The following P2RY14 variants were observed in gnomAD, a reference collection of about 807,000 sequenced individuals.
P2RY14 encodes the protein purinergic receptor P2Y14.
P2RY14 carries 2 observed loss-of-function variants against 0.9 expected under a neutral mutation model. That is an observed-to-expected ratio of 2.16 (90% CI 0.88 to 6.79). P2RY14 has a LOEUF of 6.79. P2RY14 is among the 30% of genes most tolerant of loss of function. The pLI is 0.05. For missense variants in P2RY14, 378 were observed against 400.1 expected (o/e 0.94, Z 0.47); for synonymous variants, 158 against 147.2 (o/e 1.07, Z -0.53).
chr3:151,264,051 C>G (rs1296029296), intron 1 of P2RY14, among the ~76,000 whole-genome samples: 1 of 152,194 alleles, frequency 6.6e-6, no homozygotes, highest in Non-Finnish European at 1.5e-5. Context: ...TTTTAAAGTT[C>G]TGCCTTTTTC....
At chr3:151,246,202 A>G (rs1735424202) in intron 1 of P2RY14, among the ~76,000 whole-genome samples, 1 of 152,318 alleles carries the variant, frequency 6.6e-6, no homozygotes, top group Non-Finnish European at 1.5e-5. Flanking sequence ...TGCTCAAGGT[A>G]ATTTATAGAT....
Position 151,214,253 on chromosome 3 carries a change from G to T in P2RY14, c.64C>A (p.Gln22Lys), listed in dbSNP as rs1727742801. 1.2e-6 allele frequency: 2 copies of T among 1,613,830 alleles called. No homozygotes were observed. Among genetic ancestry groups the T allele is most frequent in the South Asian group, 1.1e-5 (1 of 91,078 alleles). Residue 22 changes from glutamine to lysine, a missense_variant, in exon 3 of 3, where the codon CAG (glutamine) becomes AAG (lysine). Coordinates refer to ENST00000309170, the MANE Select transcript of P2RY14 (RefSeq NM_014879.4). ...CAGTACAGCACAGGAATGATCTGCT[G>T]AGTGATCAGGAGGTTCTGAGAGCAG... The part of the protein sequence containing the change: ...ESCSQNLLIT[Q>K]QIIPVLYCMV...
chr3:151,220,995 G>A (rs530623723), intron 1 of P2RY14, among the ~76,000 whole-genome samples: 1 of 152,314 alleles, frequency 6.6e-6, no homozygotes, highest in East Asian at 1.9e-4. Context: ...TGCCCAAAAT[G>A]CTGATAGTGA....
chr3:151,243,886 G>C (rs1270737304), intron 1 of P2RY14, among the ~76,000 whole-genome samples: 6 of 149,014 alleles, frequency 4.0e-5, no homozygotes, highest in Non-Finnish European at 9.0e-5. Flanking sequence ...CACGTGCAGA[G>C]ACACACATAG....
chr3:151,233,459 C>A (rs148568129), intron 1 of P2RY14, among the ~76,000 whole-genome samples: 7 of 152,298 alleles, frequency 4.6e-5, no homozygotes, highest in Middle Eastern at 3.4e-3. Flanking sequence ...CTGGGCCGGG[C>A]GTGATGGCTC....
At chr3:151,247,640 T>C (rs1337083288) in intron 1 of P2RY14, among the ~76,000 whole-genome samples, 8 of 140,504 alleles carry the variant, frequency 5.7e-5, no homozygotes, top group African/African-American at 1.6e-4. Flanking sequence ...AGGGATAGCA[T>C]TGGGAGATGT....
chr3:151,213,894 C>G lies in P2RY14; in HGVS notation c.423G>C (p.Leu141=), dbSNP rs545337270. ...GCATGAGCATCCATACTATCACTGA[C>G]AGAAGTTTGCTGTAACTCACTGACT... ...FIQSVSYSKL[L]SVIVWMLMLL... is the part of the protein sequence containing the mutation. Residue 141 remains leucine, a synonymous_variant, in exon 3 of 3, where the codon CTG becomes CTC. Transcript: ENST00000309170. The G allele has an allele frequency of 3.7e-6, 6 of 1,613,960 alleles. No homozygotes were observed. Among genetic ancestry groups the G allele is most frequent in the Admixed American group, 1.7e-5 (1 of 60,004 alleles).
chr3:151,252,352 C>T (rs1205490807), intron 1 of P2RY14, among the ~76,000 whole-genome samples: 1 of 152,052 alleles, frequency 6.6e-6, no homozygotes, highest in African/African-American at 2.4e-5. Flanking sequence ...TATCCTATTG[C>T]TCATGGTCAT....
intron 1 of P2RY14, among the ~76,000 whole-genome samples, chr3:151,246,853 C>A (rs4269062): frequency 0.5 from 75,518 of 151,894 alleles, 18,964 homozygotes; most frequent in Middle Eastern, 0.62. Flanking sequence ...ATGGGAGAAA[C>A]TTTTCGCAAC....
chr3:151,262,194 T>A (rs1739041931), intron 1 of P2RY14, among the ~76,000 whole-genome samples: 1 of 152,244 alleles, frequency 6.6e-6, no homozygotes, highest in Admixed American at 6.5e-5. Context: ...TCATGAACTC[T>A]CCTGATTAAG....
intron 1 of P2RY14, among the ~76,000 whole-genome samples, chr3:151,223,543 G>A (rs534546362): frequency 1.3e-5 from 2 of 152,268 alleles, no homozygotes; most frequent in Non-Finnish European, 1.5e-5. Context: ...GCAGCAACAT[G>A]GTTGTAGCTA....
At chr3:151,271,479 G>A (rs1740934080) in intron 1 of P2RY14, among the ~76,000 whole-genome samples, 1 of 152,132 alleles carries the variant, frequency 6.6e-6, no homozygotes, top group Admixed American at 6.5e-5. Context: ...GCTTCCTTGT[G>A]ACCTAGTAAT....
chr3:151,245,850 T>G (rs1268714283), intron 1 of P2RY14, among the ~76,000 whole-genome samples: 2 of 151,478 alleles, frequency 1.3e-5, no homozygotes, highest in African/African-American at 2.4e-5. Context: ...GCAGACGACA[T>G]GATTGTATAT....
chr3:151,225,117 G>GC lies in P2RY14; in HGVS notation c.-132-5476dup, dbSNP rs1298308812. 3.9e-5 allele frequency among the ~76,000 whole-genome samples: 6 copies of GC among 152,194 alleles called. No homozygotes were observed. The East Asian group carries it at 1.2e-3, about 29-fold the overall frequency. The stretch of plus-strand genomic sequence containing the variant: ...CCCTGCCTATTGGGCTTGCCTTTCT[G>GC]CCCCAGCACTGTGACTCCTTAGGGC... On this transcript the variant is annotated intron_variant, in intron 1 of 2. Coordinates refer to ENST00000309170, the MANE Select transcript of P2RY14 (RefSeq NM_014879.4).
intron 1 of P2RY14, among the ~76,000 whole-genome samples, chr3:151,261,913 G>C (rs1468246607): frequency 1.3e-5 from 2 of 151,998 alleles, no homozygotes; most frequent in Non-Finnish European, 2.9e-5. Flanking sequence ...TTTTAGTAGA[G>C]ACGGGGTTTC....
intron 1 of P2RY14, among the ~76,000 whole-genome samples, chr3:151,252,210 C>T (rs1559941242): frequency 6.6e-6 from 1 of 152,102 alleles, no homozygotes; most frequent in African/African-American, 2.4e-5. Context: ...TCTGTTTATC[C>T]AGTCACCCAA....
intron 2 of P2RY14, among the ~76,000 whole-genome samples, chr3:151,216,085 C>G (rs1383610575): frequency 6.6e-6 from 1 of 152,166 alleles, no homozygotes; most frequent in East Asian, 1.9e-4. Context: ...CTCCTCTCTC[C>G]AGCTGTTTGT....
intron 1 of P2RY14, among the ~76,000 whole-genome samples, chr3:151,247,761 T>TA (rs71138490): frequency 0.4 from 56,939 of 143,878 alleles, 11,575 homozygotes; most frequent in Middle Eastern, 0.51. Context: ...TAATGTATAA[T>TA]AAAAAAAAAA....
At chr3:151,237,352 T>TTTC (rs996203356) in intron 1 of P2RY14, among the ~76,000 whole-genome samples, 13 of 126,356 alleles carry the variant, frequency 1.0e-4, no homozygotes, top group Non-Finnish European at 1.3e-4. Context: ...TTTTTTTTCT[T>TTTC]TTTTTTTTTT....
Sources: gnomAD v4.1 joint callset for allele counts (sites outside exome capture counted in the v4.1 genomes callset) on GRCh38, gnomAD v4.1.1 for gene constraint, MANE v1.5 for transcripts, NCBI Gene and HGNC (gene_info 2026-07-23, HGNC 2026-07-21) for gene names.